Variants in GPR179 observed in about 807,000 individuals in gnomAD.
GPR179 encodes probable G protein-coupled receptor 179.
A neutral mutation model predicts 70.8 loss-of-function variants in GPR179; 52 were observed. That is an observed-to-expected ratio of 0.73 (90% CI 0.59 to 0.93). The LOEUF is 0.93. Among genes scored for constraint, GPR179 ranks in the 40% least tolerant of loss-of-function variants. The pLI, the probability that GPR179 is intolerant of heterozygous loss-of-function variation, is 0.00. For missense variants in GPR179, 2,734 were observed against 2,966.8 expected (o/e 0.92, Z 1.82); for synonymous variants, 1,123 against 1,169.0 (o/e 0.96, Z 0.80).
chr17:38,337,718 A>T lies in GPR179; in HGVS notation c.906T>A (p.Cys302Ter). 6.2e-7 allele frequency: 1 copy of T among 1,612,410 alleles called. No homozygotes were observed. The highest frequency in any genetic ancestry group is 1.1e-5 in the South Asian group (1 of 90,954). Residue 302 changes from cysteine (C) to a stop codon, truncating the protein, a stop_gained and splice_region_variant, in exon 3 of 11, where the codon TGT becomes TGA. Transcript: ENST00000616987. LOFTEE classifies it high-confidence loss of function. ...CAAAGCCCTGACTCTCCAGGGGGAC[A>T]CACTATGGGGACAACAAACACAGTA... is the stretch of plus-strand genomic sequence containing the variant. ...THLCDLNSTQ[C>*]VPLESQGFVL... is the part of the protein sequence containing the mutation.
At position 38,330,915 on chromosome 17, in the gene GPR179, C is replaced by T. The variant is rs372400265; in HGVS notation, c.2654G>A (p.Arg885Lys). 8.7e-6 allele frequency: 14 copies of T among 1,607,314 alleles called. No individual in the cohort carries two copies. Among genetic ancestry groups the T allele is most frequent in the South Asian group, 7.8e-5 (7 of 89,812 alleles). ...CCGCTCCAGCCTCCTGGCTGATGGC[C>T]TCCGCACCAGGCTGGCCATGGCTGC... ...AKAAMASLVR[R>K]PSARRLERPR... Residue 885 changes from arginine to lysine, a missense_variant, in exon 11 of 11, where the codon AGG becomes AAG. Arg to Lys is a conservative substitution (Grantham distance 26, BLOSUM62 2). Coordinates refer to ENST00000616987, the MANE Select transcript of GPR179 (RefSeq NM_001004334.4).
intron 3 of GPR179, 150 bp from the exon 4 acceptor site, chr17:38,337,363 G>A: frequency 8.6e-7 from 1 of 1,164,278 alleles, no homozygotes. Flanking sequence ...TTCCTTGGGA[G>A]GGCAAAGTAC....
Position 38,331,337 on chromosome 17 carries a change from G to A in GPR179, c.2232C>T (p.Gly744=), listed in dbSNP as rs1567724365. The A allele has an allele frequency of 2.5e-6, 4 of 1,610,728 alleles. No individual in the cohort carries two copies. In the Admixed American group the frequency reaches 5.0e-5, roughly 20 times the overall value. ...HSRDSGSPGH[G]SLPGSSRRRL... The stretch of plus-strand genomic sequence containing the variant: ...GGCGGCGGGAGGAGCCGGGCAGGCT[G>A]CCGTGGCCTGGGGATCCTGAGTCCC... The change falls in exon 11 of 11, where the codon GGC becomes GGT. Residue 744 remains glycine (G), a synonymous_variant. Coordinates refer to ENST00000616987, the MANE Select transcript of GPR179 (RefSeq NM_001004334.4).
chr17:38,339,969 T>C (rs2037436393), intron 1 of GPR179, among the ~76,000 whole-genome samples: 1 of 152,224 alleles, frequency 6.6e-6, no homozygotes, highest in Non-Finnish European at 1.5e-5. Flanking sequence ...GGAGGAAGGA[T>C]GCTACATAGA....
rs1023039979 is a variant in GPR179 at position 38,330,520 on chromosome 17, G to A, written c.3049C>T (p.Arg1017Ter). The change falls in exon 11 of 11, where the codon CGA (arginine) becomes TGA (stop). Residue 1017 changes from arginine to a stop codon, truncating the protein, a stop_gained. Coordinates refer to ENST00000616987, the MANE Select transcript of GPR179 (RefSeq NM_001004334.4). LOFTEE classifies it low-confidence loss of function (END_TRUNC). Reference sequence around the variant, plus strand: ...GCTGGGGCAGGGGAGTGGTGGCCTCGCTCTGGCCCTGAGGGGCCTTCCTGG... The same window carrying A: ...GCTGGGGCAGGGGAGTGGTGGCCTCACTCTGGCCCTGAGGGGCCTTCCTGG... ...VPQEGPSGPE[R>*]GHHSPAPARA... 9.0e-6 allele frequency: 14 copies of A among 1,556,036 alleles called. No individual in the cohort carries two copies. Among genetic ancestry groups the A allele is most frequent in the Non-Finnish European group, 1.0e-5 (12 of 1,153,418 alleles).
At position 38,329,254 on chromosome 17, in the gene GPR179, AG is replaced by A; in HGVS notation, c.4314del (p.Ser1439GlnfsTer49). On this transcript the variant is annotated frameshift_variant, in exon 11 of 11. Transcript: ENST00000616987. LOFTEE classifies it low-confidence loss of function (END_TRUNC). ...CCTGGGGCCTGAATTGAGACTGCTG[AG>A]GGGCCCCGGAAATCTGTACTCTCCC... ...CPWESTDFRG[P>X]SAVSIQAPGS... 1.2e-6 allele frequency: 2 copies of A among 1,613,560 alleles called. No homozygotes were observed. The highest frequency in any genetic ancestry group is 1.7e-6 in the Non-Finnish European group (2 of 1,179,754).
Position 38,325,175 on chromosome 17 carries a change from T to C in GPR179, c.*1290A>G, listed in dbSNP as rs566656110. The stretch of plus-strand genomic sequence containing the variant: ...CTCCTTCTTCCTTTCCCTCTGGTAT[T>C]ATCATCTAATCCCAGCAATTTGTAA... On this transcript the variant is annotated 3_prime_UTR_variant, in exon 11 of 11. Coordinates refer to ENST00000616987, the MANE Select transcript of GPR179 (RefSeq NM_001004334.4). Among the ~76,000 whole-genome samples the C allele has an allele frequency of 6.6e-6, 1 of 152,314 alleles. No individual in the cohort carries two copies. The highest frequency in any genetic ancestry group is 2.1e-4 in the South Asian group (1 of 4,830).
intron 1 of GPR179, among the ~76,000 whole-genome samples, chr17:38,340,371 G>A (rs1327125936): frequency 6.6e-6 from 1 of 152,134 alleles, no homozygotes; most frequent in African/African-American, 2.4e-5. Flanking sequence ...TGAACTCCTG[G>A]GCCCAAGCAA....
In GPR179 at chr17:38,331,257, G is replaced by C; in HGVS notation, c.2312C>G (p.Ser771Cys). The C allele has an allele frequency of 6.3e-7, 1 of 1,589,406 alleles. No homozygotes were observed. Among genetic ancestry groups the C allele is most frequent in the Non-Finnish European group, 8.6e-7 (1 of 1,168,678 alleles). ...CCTGCGCTGGTCATAGGTGCTGCGG[G>C]ACTTGTGCAGAGCTGGTGTCCCCTC... is the stretch of plus-strand genomic sequence containing the variant. Reference protein sequence around the residue: ...EPEGTPALHKSRSTYDQRREQ... With the variant: ...EPEGTPALHKCRSTYDQRREQ... The change falls in exon 11 of 11, where the codon TCC (serine) becomes TGC (cysteine). Residue 771 changes from serine to cysteine, a missense_variant. Ser to Cys is a moderately radical substitution (Grantham distance 112, BLOSUM62 -1). Coordinates refer to ENST00000616987, the MANE Select transcript of GPR179 (RefSeq NM_001004334.4).
In GPR179 at chr17:38,334,428, T is replaced by C. The variant is rs1212651640; in HGVS notation, c.1784+276A>G. 6.6e-6 allele frequency among the ~76,000 whole-genome samples: 1 copy of C among 151,742 alleles called. No individual in the cohort carries two copies. The highest frequency in any genetic ancestry group is 2.4e-5 in the African/African-American group (1 of 41,300). On this transcript the variant is annotated intron_variant, in intron 8 of 10. Transcript: ENST00000616987. This position sits in a 1 kb window ranked among gnomAD's most constrained non-coding sequence, Gnocchi z 4.7. Reference sequence around the variant, plus strand: ...CTGAGCATGTGTGGAAAGGGGTATGTTGGGGTGCTGGAGAGGTGCTTTGGG... The same window carrying C: ...CTGAGCATGTGTGGAAAGGGGTATGCTGGGGTGCTGGAGAGGTGCTTTGGG...
rs2144262957 is a variant in GPR179 at position 38,330,767 on chromosome 17, C to T, written c.2802G>A (p.Arg934=). The T allele has an allele frequency of 1.3e-6, 2 of 1,590,780 alleles. No homozygotes were observed. The highest frequency in any genetic ancestry group is 1.7e-6 in the Non-Finnish European group (2 of 1,166,172). ...ARRRLPHPPI[R]HQVSTPILAL... ...CCAAGATGGGGGTAGAAACCTGGTGCCTGATGGGTGGATGAGGCAGCCTTC... is the reference window on the plus strand; with the variant it reads ...CCAAGATGGGGGTAGAAACCTGGTGTCTGATGGGTGGATGAGGCAGCCTTC... Residue 934 remains arginine (R), a synonymous_variant, in exon 11 of 11, where the codon AGG becomes AGA. Transcript: ENST00000616987.
chr17:38,341,685 G>GA (rs1318482715), intron 1 of GPR179, among the ~76,000 whole-genome samples: 1 of 152,204 alleles, frequency 6.6e-6, no homozygotes, highest in African/African-American at 2.4e-5. Context: ...GTTGAGGGAG[G>GA]AGGTAGTTTA....
In GPR179 at chr17:38,339,411, C is replaced by A; in HGVS notation, c.903+6G>T. ...TAGTAGCGCCCCCCATCCTCCTCAT[C>A]CTTACCTGGGTGCTGTTGAGATCAC... On this transcript the variant is annotated splice_donor_region_variant and intron_variant, in intron 2 of 10. Transcript: ENST00000616987. 1 of 1,595,292 alleles carries A rather than the reference C, an allele frequency of 6.3e-7. No individual in the cohort carries two copies. The highest frequency in any genetic ancestry group is 8.6e-7 in the Non-Finnish European group (1 of 1,163,144).
Position 38,334,927 on chromosome 17 carries a change from C to A in GPR179, c.1646-85G>T. ...CTCTGAAAGATGTGCTGGGGGGAGC[C>A]TGGGCTCGGGGTCTGGGGACAAGTC... On this transcript the variant is annotated intron_variant, in intron 7 of 10. Coordinates refer to ENST00000616987, the MANE Select transcript of GPR179 (RefSeq NM_001004334.4). The surrounding 1 kb of genome is among the most constrained non-coding windows in gnomAD (Gnocchi z 4.7). 6.3e-7 allele frequency: 1 copy of A among 1,595,692 alleles called. No individual in the cohort carries two copies. Among genetic ancestry groups the A allele is most frequent in the Non-Finnish European group, 8.6e-7 (1 of 1,167,204 alleles).
Position 38,337,414 on chromosome 17 carries a change from A to G in GPR179, c.992-201T>C, listed in dbSNP as rs118146262. On this transcript the variant is annotated intron_variant, in intron 3 of 10. Coordinates refer to ENST00000616987, the MANE Select transcript of GPR179 (RefSeq NM_001004334.4). Reference sequence around the variant, plus strand: ...CCAGGCTAGGGCTCCTTGAGAGGCCAACTTGCATCATATTTGCATGTTACA... The same window carrying G: ...CCAGGCTAGGGCTCCTTGAGAGGCCGACTTGCATCATATTTGCATGTTACA... Among the ~76,000 whole-genome samples the G allele has an allele frequency of 8.9e-3, 1,361 of 152,234 alleles. 10 individuals carry two copies. Among genetic ancestry groups the G allele is most frequent in the Middle Eastern group, 0.024 (7 of 294 alleles).
intron 1 of GPR179, among the ~76,000 whole-genome samples, chr17:38,342,660 C>T (rs1567728255): frequency 6.6e-6 from 1 of 152,242 alleles, no homozygotes; most frequent in African/African-American, 2.4e-5. Flanking sequence ...TCTCTACACA[C>T]ATGTGTATAC....
chr17:38,335,890 GC>G (rs1472404444), intron 5 of GPR179, among the ~76,000 whole-genome samples, 185 bp downstream of exon 5: 1 of 152,230 alleles, frequency 6.6e-6, no homozygotes, highest in Non-Finnish European at 1.5e-5. Context: ...AAGTCACAGA[GC>G]TCCTAATAAG....
At position 38,333,414 on chromosome 17, in the gene GPR179, A is replaced by C; in HGVS notation, c.1891-17T>G. 1 of 1,611,186 alleles carries C rather than the reference A, an allele frequency of 6.2e-7. No homozygotes were observed. The highest frequency in any genetic ancestry group is 8.5e-7 in the Non-Finnish European group (1 of 1,178,738). ...CTTCCAGAACTGGCAGGGGTGCATA[A>C]GAGTGGGAAAAAGACTCGCCCTGGC... On this transcript the variant is annotated splice_polypyrimidine_tract_variant and intron_variant, in intron 9 of 10. Coordinates refer to ENST00000616987, the MANE Select transcript of GPR179 (RefSeq NM_001004334.4).
Position 38,334,139 on chromosome 17 carries a change from C to G in GPR179, c.1785-101G>C. 1.2e-6 allele frequency: 1 copy of G among 844,710 alleles called. No individual in the cohort carries two copies. Among genetic ancestry groups the G allele is most frequent in the South Asian group, 1.4e-5 (1 of 72,094 alleles). The allele number at this position is 844,710 out of a possible 1,614,324, so 52.3% of individuals were successfully genotyped here. ...TCACCTCAGCCCCAACCCTGATACG[C>G]TTAGGACGAGGGGGCATTCTGCCCT... On this transcript the variant is annotated intron_variant, in intron 8 of 10. Transcript: ENST00000616987. The surrounding 1 kb of genome is among the most constrained non-coding windows in gnomAD (Gnocchi z 4.7).
Sources: allele counts gnomAD v4.1 joint callset (sites outside exome capture counted in the v4.1 genomes callset), GRCh38; gene constraint gnomAD v4.1.1; non-coding constraint Gnocchi (gnomAD v3.1); transcripts MANE v1.5; gene names NCBI Gene and HGNC (gene_info 2026-07-23, HGNC 2026-07-21).